LRRIQ3: variants seen among roughly 807,000 people sequenced by gnomAD.
LRRIQ3 encodes the protein leucine rich repeats and IQ motif containing 3, also known as leucine-rich repeat and IQ domain-containing protein 3.
Under a neutral mutation model 59.3 loss-of-function variants are expected in LRRIQ3, and 75 were observed. The ratio of observed to expected loss-of-function variants is 1.26; its 90% CI spans 1.05 to 1.53. The LOEUF (loss-of-function observed/expected upper bound fraction) is 1.53. Among genes scored for constraint, LRRIQ3 ranks in the 40% most tolerant of loss-of-function variants. LRRIQ3 has a pLI of 0.00. For synonymous variants in LRRIQ3, 250 were observed against 231.3 expected (o/e 1.08, Z -0.73); for missense variants, 831 against 710.0 (o/e 1.17, Z -1.94).
At chr1:74,050,318 G>T (rs2100414022) in intron 6 of LRRIQ3, among the ~76,000 whole-genome samples, 1 of 152,196 alleles carries the variant, frequency 6.6e-6, no homozygotes, top group South Asian at 2.1e-4. Flanking sequence ...TTGACACAAA[G>T]GCAACAAAAT....
chr1:74,137,007 T>TA (rs1647134628), intron 4 of LRRIQ3, among the ~76,000 whole-genome samples: 1 of 151,972 alleles, frequency 6.6e-6, no homozygotes, highest in Non-Finnish European at 1.5e-5. Flanking sequence ...ACAAGTATAA[T>TA]ATTTTTGTCT....
At chr1:74,098,537 C>T (rs1174397605) in intron 5 of LRRIQ3, among the ~76,000 whole-genome samples, 2 of 152,148 alleles carry the variant, frequency 1.3e-5, no homozygotes, top group African/African-American at 4.8e-5. Flanking sequence ...TTGAACTCAG[C>T]TCTGCACCAA....
At chr1:74,134,487 G>A (rs891780916) in intron 4 of LRRIQ3, among the ~76,000 whole-genome samples, 2 of 151,734 alleles carry the variant, frequency 1.3e-5, no homozygotes, top group African/African-American at 2.4e-5. Flanking sequence ...AAATACATAC[G>A]TTAATTTCAA....
rs990236558 is a variant in LRRIQ3, at chr1:74,198,088, G to A, written c.-93C>T. On this transcript the variant is annotated 5_prime_UTR_variant, in exon 1 of 8. Transcript: ENST00000354431. ...AATCGCTGGGCGGCCATCTGCTCCT[G>A]AGACCGTTGCTAGAGAAACAAGACA... 1 of 1,266,176 alleles carries A rather than the reference G, an allele frequency of 7.9e-7. No individual in the cohort carries two copies. The highest frequency in any genetic ancestry group is 1.1e-6 in the Non-Finnish European group (1 of 949,360). The allele number at this position is 1,266,176 out of a possible 1,614,324, so 78.4% of individuals were successfully genotyped here.
chr1:74,155,949 G>T, intron 3 of LRRIQ3, 83 bp from the exon 4 acceptor site: 1 of 807,366 alleles, frequency 1.2e-6, no homozygotes. Flanking sequence ...TAATCTATTG[G>T]TTTAAATAAA....
At position 74,182,549 on chromosome 1, in the gene LRRIQ3, C is replaced by A; in HGVS notation, c.562G>T (p.Ala188Ser). 6.5e-7 allele frequency: 1 copy of A among 1,548,346 alleles called. No homozygotes were observed. Among genetic ancestry groups the A allele is most frequent in the South Asian group, 1.3e-5 (1 of 78,882 alleles). ...AAGAAGCCAATTACCTTTCTCAAAG[C>A]TGGGCAGAAATTAAAGAAAAGTCGA... is the stretch of plus-strand genomic sequence containing the variant. ...NHRLFFNFCP[A>S]LRKGTTYEEE... The change falls in exon 3 of 8, where the codon GCT (alanine) becomes TCT (serine). Residue 188 changes from alanine (A) to serine (S), a missense_variant. Ala to Ser is a moderately conservative substitution (Grantham distance 99). Transcript: ENST00000354431.
intron 3 of LRRIQ3, among the ~76,000 whole-genome samples, chr1:74,176,808 T>C (rs935631117): frequency 3.9e-5 from 6 of 152,138 alleles, no homozygotes; most frequent in Admixed American, 2.0e-4. Context: ...AGGAATGTTG[T>C]ACTACAATGG....
At chr1:74,112,481 G>A (rs1557621201) in intron 4 of LRRIQ3, among the ~76,000 whole-genome samples, 2 of 152,124 alleles carry the variant, frequency 1.3e-5, no homozygotes, top group Non-Finnish European at 2.9e-5. Context: ...GCAAAAACTG[G>A]CCTCAAAGAT....
At chr1:74,182,497 T>A (rs1486985358) in intron 3 of LRRIQ3, 41 bp downstream of exon 3, 1 of 1,327,050 alleles carries the variant, frequency 7.5e-7, no homozygotes, top group Non-Finnish European at 9.9e-7. Flanking sequence ...ATTTCCCTTT[T>A]ATACATTTAA....
At chr1:74,070,985 T>C (rs1279513060) in intron 6 of LRRIQ3, among the ~76,000 whole-genome samples, 2 of 150,640 alleles carry the variant, frequency 1.3e-5, no homozygotes, top group Admixed American at 1.3e-4. Context: ...TATCAATATA[T>C]ATATATAACT....
chr1:74,083,872 A>G, intron 5 of LRRIQ3: 2 of 258,576 alleles, frequency 7.7e-6, no homozygotes, highest in Non-Finnish European at 1.5e-5. Context: ...AAGTTTTTGC[A>G]TTAGCAGTCT....
chr1:74,089,955 G>A (rs999979399), intron 5 of LRRIQ3, among the ~76,000 whole-genome samples: 2 of 151,950 alleles, frequency 1.3e-5, no homozygotes, highest in African/African-American at 4.8e-5. Context: ...ATAATAGCAA[G>A]AGACCTGAGA....
chr1:74,160,204 CA>C (rs1244260109), intron 3 of LRRIQ3, among the ~76,000 whole-genome samples: 1 of 152,008 alleles, frequency 6.6e-6, no homozygotes, highest in Non-Finnish European at 1.5e-5. Context: ...TTGACATGCC[CA>C]AACATATCCT....
intron 7 of LRRIQ3, among the ~76,000 whole-genome samples, chr1:74,029,789 G>A (rs1351151856): frequency 6.6e-6 from 1 of 151,988 alleles, no homozygotes; most frequent in Non-Finnish European, 1.5e-5. Context: ...GCTCCTTCTT[G>A]TACCTCTGGT....
intron 6 of LRRIQ3, among the ~76,000 whole-genome samples, chr1:74,051,447 T>C (rs945726050): frequency 5.3e-5 from 8 of 152,176 alleles, no homozygotes; most frequent in Non-Finnish European, 8.8e-5. Flanking sequence ...TAAAAGTTCC[T>C]ACATACGATT....
At chr1:74,034,356 C>T (rs1653806707) in intron 7 of LRRIQ3, among the ~76,000 whole-genome samples, 1 of 151,972 alleles carries the variant, frequency 6.6e-6, no homozygotes, top group South Asian at 2.1e-4. Flanking sequence ...ATAACCAAAA[C>T]ATTGCCCTAT....
chr1:74,075,487 A>C (rs183120995), intron 5 of LRRIQ3, among the ~76,000 whole-genome samples: 2 of 152,186 alleles, frequency 1.3e-5, no homozygotes, highest in East Asian at 3.9e-4. Flanking sequence ...GGATTACTTG[A>C]ACCCAGCAGG....
intron 5 of LRRIQ3, among the ~76,000 whole-genome samples, chr1:74,091,693 G>A (rs1194850125): frequency 6.6e-6 from 1 of 152,004 alleles, no homozygotes; most frequent in Non-Finnish European, 1.5e-5. Flanking sequence ...TTTGACATCA[G>A]TGCAACCTAG....
intron 4 of LRRIQ3, among the ~76,000 whole-genome samples, chr1:74,145,318 TAACAGTA>T (rs1312242594): frequency 1.3e-5 from 2 of 152,118 alleles, no homozygotes; most frequent in Non-Finnish European, 2.9e-5. Flanking sequence ...TAGCCAATAG[TAACAGTA>T]AACTAGGAAT....
Sources: gnomAD v4.1 joint callset for allele counts (sites outside exome capture counted in the v4.1 genomes callset) on GRCh38, gnomAD v4.1.1 for gene constraint, MANE v1.5 for transcripts, NCBI Gene and HGNC (gene_info 2026-07-23, HGNC 2026-07-21) for gene names.